Variants in EFCAB7 observed in about 807,000 individuals in gnomAD.
EFCAB7 encodes the protein EF-hand calcium binding domain 7.
EFCAB7 carries 66 observed loss-of-function variants against 77.1 expected under a neutral mutation model. That is an observed-to-expected ratio of 0.86 (90% CI 0.70 to 1.05). The LOEUF (loss-of-function observed/expected upper bound fraction) is 1.05, where lower values mean the gene tolerates loss of function less well. Among genes scored for constraint, EFCAB7 ranks in the 50% least tolerant of loss-of-function variants. The probability of loss-of-function intolerance (pLI) is 0.00; values close to 1 mark genes in which losing one functional copy is unlikely to be tolerated. For synonymous variants in EFCAB7, 225 were observed against 243.3 expected (o/e 0.92, Z 0.70); for missense variants, 638 against 730.5 (o/e 0.87, Z 1.46).
At chr1:63,550,220 G>A (rs900960708) in intron 7 of EFCAB7, 1 of 152,110 alleles carries the variant, frequency 6.6e-6, no homozygotes, top group Non-Finnish European at 1.5e-5. Context: ...AAAATCTTTA[G>A]GAAGTGGTAG....
downstream of EFCAB7, among the ~76,000 whole-genome samples, chr1:63,576,506 A>C (rs1647421117): frequency 6.6e-6 from 1 of 150,932 alleles, no homozygotes; most frequent in Non-Finnish European, 1.5e-5. Flanking sequence ...AAAAACAAAA[A>C]ATAACAAAGT....
intron 8 of EFCAB7, among the ~76,000 whole-genome samples, chr1:63,553,273 T>C (rs1414821434): frequency 6.6e-6 from 1 of 152,214 alleles, no homozygotes; most frequent in Non-Finnish European, 1.5e-5. Context: ...CACTCCTGAG[T>C]CTACATCTAG....
downstream of EFCAB7, among the ~76,000 whole-genome samples, chr1:63,577,524 T>C (rs1483766174): frequency 6.6e-6 from 1 of 152,198 alleles, no homozygotes; most frequent in Non-Finnish European, 1.5e-5. Flanking sequence ...TCTGCCTTTT[T>C]AAATATCCAT....
chr1:63,529,419 T>C (rs923143899), intron 2 of EFCAB7, among the ~76,000 whole-genome samples: 5 of 152,054 alleles, frequency 3.3e-5, no homozygotes, highest in African/African-American at 1.2e-4. Context: ...CCTATTTAGA[T>C]TATAAAATTT....
intron 7 of EFCAB7, chr1:63,547,097 A>C (rs1458841601): frequency 1.3e-5 from 2 of 152,142 alleles, no homozygotes; most frequent in Non-Finnish European, 2.9e-5. Flanking sequence ...TTTTCACTGC[A>C]TCTCTTGTGG....
intron 13 of EFCAB7, among the ~76,000 whole-genome samples, chr1:63,571,763 C>G (rs1419913777): frequency 1.3e-5 from 2 of 149,742 alleles, no homozygotes; most frequent in Non-Finnish European, 3.0e-5. Context: ...GATGTATGTA[C>G]ATGAAAGTAC....
At chr1:63,557,348 T>C in intron 10 of EFCAB7, 101 bp downstream of exon 10, 5 of 1,147,736 alleles carry the variant, frequency 4.4e-6, no homozygotes, top group Non-Finnish European at 4.8e-6. Context: ...GAAATATTAT[T>C]ATAGCATTTA....
the EFCAB7 span, among the ~76,000 whole-genome samples, chr1:63,577,983 G>A: frequency 1.3e-5 from 2 of 152,162 alleles, no homozygotes; most frequent in Admixed American, 6.5e-5. Flanking sequence ...ATAAAAAGAG[G>A]ACACATTTTA....
Position 63,557,336 on chromosome 1 carries a change from A to C in EFCAB7, c.1348+89A>C, listed in dbSNP as rs1240406157. On this transcript the variant is annotated intron_variant, in intron 10 of 13. Coordinates refer to ENST00000371088, the MANE Select transcript of EFCAB7 (RefSeq NM_032437.4). ...AAGAAATGAGAAGTCAAACTTCTGC[A>C]TGAAATATTATTATAGCATTTAGGA... 4 of 1,206,938 alleles carry C rather than the reference A, an allele frequency of 3.3e-6. No homozygotes were observed. The Admixed American group carries it at 1.3e-4, about 38-fold the overall frequency. 74.8% of individuals were successfully genotyped at this position (1,206,938 alleles called of 1,614,324 possible).
At chr1:63,578,302 A>G in the EFCAB7 span, among the ~76,000 whole-genome samples, 1 of 152,220 alleles carries the variant, frequency 6.6e-6, no homozygotes, top group African/African-American at 2.4e-5. Flanking sequence ...ATATAAATTG[A>G]GTCCCTAATG....
At chr1:63,570,133 ACAGAGC>A (rs1319398504) in intron 12 of EFCAB7, 2 of 152,270 alleles carry the variant, frequency 1.3e-5, no homozygotes, top group Non-Finnish European at 2.9e-5. Flanking sequence ...AAACTGAAGC[ACAGAGC>A]AGTTAAATAA....
At chr1:63,567,597 A>T (rs1246891604) in intron 11 of EFCAB7, among the ~76,000 whole-genome samples, 1 of 152,328 alleles carries the variant, frequency 6.6e-6, no homozygotes, top group East Asian at 1.9e-4. Context: ...AACCTGAAGC[A>T]GGAAGACAAG....
chr1:63,560,655 A>G (rs926953463), intron 10 of EFCAB7, among the ~76,000 whole-genome samples: 3 of 151,760 alleles, frequency 2.0e-5, no homozygotes, highest in African/African-American at 7.3e-5. Flanking sequence ...GGCTGGGACT[A>G]CAGGTGCATG....
intron 8 of EFCAB7, among the ~76,000 whole-genome samples, chr1:63,553,502 G>A (rs375835460): frequency 3.7e-4 from 56 of 152,106 alleles, no homozygotes; most frequent in Non-Finnish European, 2.5e-4. Context: ...ACCATGCCCA[G>A]CTAATTTTTG....
At position 63,572,480 on chromosome 1, in the gene EFCAB7, A is replaced by G. The variant is rs751657907; in HGVS notation, c.1854A>G (p.Glu618=). 6.4e-6 allele frequency: 10 copies of G among 1,568,098 alleles called. 1 individual carries two copies. The South Asian group carries it at 1.1e-4, about 17-fold the overall frequency. ...TAATGCCTTTGAATGAACGACAAGA[A>G]TGGATATATTATTGTATATATTCTC... is the stretch of plus-strand genomic sequence containing the variant. ...QHVMPLNERQ[E]WIYYCIYSLI... is the part of the protein sequence containing the mutation. Residue 618 remains glutamate, a synonymous_variant, in exon 14 of 14, where the codon GAA becomes GAG. Transcript: ENST00000371088.
intron 6 of EFCAB7, among the ~76,000 whole-genome samples, chr1:63,538,610 C>T (rs939943191): frequency 2.0e-4 from 31 of 151,992 alleles, no homozygotes; most frequent in African/African-American, 6.5e-4. Context: ...TGCACCACCA[C>T]GCTGGCTAAT....
chr1:63,566,104 C>T (rs544140295), intron 11 of EFCAB7, among the ~76,000 whole-genome samples: 3 of 152,274 alleles, frequency 2.0e-5, no homozygotes, highest in Admixed American at 6.5e-5. Context: ...CCTAAATGCC[C>T]ATCAGTGGAA....
chr1:63,526,246 C>T (rs1414824474), intron 2 of EFCAB7, among the ~76,000 whole-genome samples: 1 of 151,896 alleles, frequency 6.6e-6, no homozygotes, highest in Non-Finnish European at 1.5e-5. Flanking sequence ...TCTTTTATTG[C>T]TTCTGTCCTT....
downstream of EFCAB7, among the ~76,000 whole-genome samples, chr1:63,574,026 C>G (rs1301853743): frequency 6.6e-6 from 1 of 152,096 alleles, no homozygotes; most frequent in Non-Finnish European, 1.5e-5. Context: ...ACCGCGGTGG[C>G]CTTCTTAGAC....
Sources: gnomAD v4.1 joint callset for allele counts (sites outside exome capture counted in the v4.1 genomes callset) on GRCh38, gnomAD v4.1.1 for gene constraint, MANE v1.5 for transcripts, NCBI Gene and HGNC (gene_info 2026-07-23, HGNC 2026-07-21) for gene names.